MSRB2: variants seen among roughly 807,000 people sequenced by gnomAD.
The protein encoded by MSRB2 is methionine sulfoxide reductase B2.
A neutral mutation model predicts 19.0 loss-of-function variants in MSRB2; 17 were observed. That is an observed-to-expected ratio of 0.89 (90% CI 0.61 to 1.34). The LOEUF (loss-of-function observed/expected upper bound fraction) is 1.34. Ranked by LOEUF, MSRB2 falls within the 40% of genes most tolerant of loss-of-function variation. The pLI is 0.00. For missense variants in MSRB2, 208 were observed against 237.6 expected (o/e 0.88, Z 0.82); for synonymous variants, 107 against 99.7 (o/e 1.07, Z -0.44).
At chr10:23,114,712 C>G (rs538488559) in intron 3 of MSRB2, among the ~76,000 whole-genome samples, 1 of 152,176 alleles carries the variant, frequency 6.6e-6, no homozygotes, top group African/African-American at 2.4e-5. Flanking sequence ...CTCGGCAGCT[C>G]CCCGTAGTGT....
At chr10:23,114,412 G>A (rs1840088194) in intron 3 of MSRB2, among the ~76,000 whole-genome samples, 1 of 151,498 alleles carries the variant, frequency 6.6e-6, no homozygotes, top group Admixed American at 6.6e-5. Context: ...GGAAGTGGCT[G>A]CAACTTCTTG....
chr10:23,097,895 G>C (rs966563803), intron 1 of MSRB2, among the ~76,000 whole-genome samples: 2 of 152,078 alleles, frequency 1.3e-5, no homozygotes, highest in African/African-American at 4.8e-5. Flanking sequence ...TGAGAGAGAG[G>C]GAGACATTGG....
chr10:23,118,910 G>A, intron 3 of MSRB2: 1 of 401,768 alleles, frequency 2.5e-6, no homozygotes, highest in South Asian at 1.8e-5. Flanking sequence ...CTTCTGCGCT[G>A]CTCTAAGATG....
chr10:23,096,352 C>CTGTG lies in MSRB2; in HGVS notation c.118+644_118+647dup, dbSNP rs767702970. On this transcript the variant is annotated intron_variant, in intron 1 of 4. Transcript: ENST00000376510. ...TGTGTGTGTGTGTCTCTCTCTCTCT[C>CTGTG]TGTGTGTGTGTGTGTGTGTGTTTCT... is the stretch of plus-strand genomic sequence containing the variant. Among the ~76,000 whole-genome samples the CTGTG allele has an allele frequency of 3.8e-3, 546 of 142,792 alleles. 4 individuals carry two copies. Among genetic ancestry groups the CTGTG allele is most frequent in the South Asian group, 0.01 (46 of 4,514 alleles). The allele number at this position is 142,792 out of a possible 152,430, so 93.7% of individuals were successfully genotyped here. A position where few individuals can be genotyped will look rare whatever the true frequency, so the allele number is the denominator to read the frequency against.
intron 3 of MSRB2, among the ~76,000 whole-genome samples, chr10:23,113,141 A>C (rs985506412): frequency 2.4e-4 from 36 of 152,304 alleles, no homozygotes; most frequent in African/African-American, 8.7e-4. Context: ...AATTCCTTCA[A>C]ATGCTTGTGT....
chr10:23,098,512 G>A lies in MSRB2; in HGVS notation c.118+2786G>A, dbSNP rs112149603. ...GTTATCTCATGCAATAGCAGCAACC[G>A]ATAAATGTTTTCATAGTGAAGATAG... On this transcript the variant is annotated intron_variant, in intron 1 of 4. Coordinates refer to ENST00000376510, the MANE Select transcript of MSRB2 (RefSeq NM_012228.4). 7.2e-4 allele frequency among the ~76,000 whole-genome samples: 110 copies of A among 152,284 alleles called. 1 individual carries two copies. Among genetic ancestry groups the A allele is most frequent in the African/African-American group, 2.6e-3 (106 of 41,550 alleles).
chr10:23,101,730 G>A (rs527971301), intron 1 of MSRB2, among the ~76,000 whole-genome samples: 1 of 152,162 alleles, frequency 6.6e-6, no homozygotes, highest in Non-Finnish European at 1.5e-5. Flanking sequence ...GTAACTTTGA[G>A]TTTATAAGGA....
chr10:23,102,851 T>C (rs1210283438), intron 1 of MSRB2, among the ~76,000 whole-genome samples: 2 of 152,188 alleles, frequency 1.3e-5, no homozygotes, highest in South Asian at 2.1e-4. Context: ...CATTGAGCAA[T>C]AGTAATTATC....
intron 3 of MSRB2, among the ~76,000 whole-genome samples, chr10:23,114,315 A>C (rs1035742310): frequency 6.7e-6 from 1 of 148,554 alleles, no homozygotes; most frequent in Non-Finnish European, 1.5e-5. Flanking sequence ...GAGCCACTGC[A>C]CTCCAGCCTG....
At chr10:23,104,076 AG>A (rs1363060829) in intron 1 of MSRB2, 67 bp from the exon 2 acceptor site, 68 of 1,279,138 alleles carry the variant, frequency 5.3e-5, no homozygotes, top group Non-Finnish European at 7.0e-5. Flanking sequence ...TTAGGGAAAA[AG>A]GTCAAGGAAG....
intron 3 of MSRB2, among the ~76,000 whole-genome samples, chr10:23,118,397 TAGAG>T (rs1361949710): frequency 6.2e-5 from 9 of 144,404 alleles, no homozygotes; most frequent in African/African-American, 2.0e-4. Flanking sequence ...CTTCCTTAGA[TAGAG>T]AGAGCCATTT....
At chr10:23,105,199 T>A (rs923820322) in intron 2 of MSRB2, among the ~76,000 whole-genome samples, 1 of 142,690 alleles carries the variant, frequency 7.0e-6, no homozygotes, top group Non-Finnish European at 1.5e-5. Flanking sequence ...TTTATCTCTC[T>A]CTCTCTGTGT....
In MSRB2 at chr10:23,104,095, C is replaced by T. The variant is rs767485964; in HGVS notation, c.119-49C>T. The T allele has an allele frequency of 8.8e-6, 13 of 1,485,210 alleles. No individual in the cohort carries two copies. The South Asian group carries it at 1.5e-4, about 18-fold the overall frequency. 92.0% of individuals were successfully genotyped at this position (1,485,210 alleles called of 1,614,324 possible). ...GGAAAAAGGTCAAGGAAGAAAAGTC[C>T]ATCAGGCATTTTTGTTTTAATTTTT... On this transcript the variant is annotated intron_variant, in intron 1 of 4. Transcript: ENST00000376510.
chr10:23,105,798 C>T (rs1839982448), intron 2 of MSRB2, among the ~76,000 whole-genome samples: 1 of 152,168 alleles, frequency 6.6e-6, no homozygotes, highest in African/African-American at 2.4e-5. Context: ...ATGGTCTCAC[C>T]CTCAGTTTTT....
chr10:23,095,754 C>T lies in MSRB2; in HGVS notation c.118+28C>T, dbSNP rs568734705. On this transcript the variant is annotated intron_variant, in intron 1 of 4. Coordinates refer to ENST00000376510, the MANE Select transcript of MSRB2 (RefSeq NM_012228.4). ...AGGACGCGGGTCCCGCAGGCCCCGC[C>T]GCCGCCTACGGCTTTCGGCTTCATT... 2.9e-4 allele frequency: 351 copies of T among 1,214,688 alleles called. 4 individuals are homozygous for T. The African/African-American group carries it at 4.3e-3, about 15-fold the overall frequency. The allele number at this position is 1,214,688 out of a possible 1,614,324, so 75.2% of individuals were successfully genotyped here.
chr10:23,110,631 T>A (rs1840041008), intron 3 of MSRB2, among the ~76,000 whole-genome samples: 1 of 152,158 alleles, frequency 6.6e-6, no homozygotes, highest in Non-Finnish European at 1.5e-5. Flanking sequence ...AGAGTTTTTT[T>A]TTTTTTAGAG....
chr10:23,114,058 TGTGGTTACGGGCTGAAC>T (rs1339317071), intron 3 of MSRB2, among the ~76,000 whole-genome samples: 3 of 152,122 alleles, frequency 2.0e-5, no homozygotes, highest in African/African-American at 2.4e-5. Context: ...TATCAGAAGC[TGTGGTTACGGGCTGAAC>T]GTGGTGACTC....
intron 2 of MSRB2, among the ~76,000 whole-genome samples, chr10:23,106,479 A>G (rs909760319): frequency 6.6e-6 from 1 of 152,196 alleles, no homozygotes; most frequent in African/African-American, 2.4e-5. Flanking sequence ...TACTCTCCAG[A>G]TCCACTCTCC....
chr10:23,098,727 C>T (rs896430582), intron 1 of MSRB2, among the ~76,000 whole-genome samples: 1 of 152,208 alleles, frequency 6.6e-6, no homozygotes, highest in African/African-American at 2.4e-5. Flanking sequence ...CTAATTTACA[C>T]GTGCCTAAAT....
Sources: gnomAD v4.1 joint callset for allele counts (sites outside exome capture counted in the v4.1 genomes callset) on GRCh38, gnomAD v4.1.1 for gene constraint, MANE v1.5 for transcripts, NCBI Gene and HGNC (gene_info 2026-07-23, HGNC 2026-07-21) for gene names.